Variants in MAPK10 observed in about 807,000 individuals in gnomAD.
The protein encoded by MAPK10 is mitogen-activated protein kinase 10.
Under a neutral mutation model 59.3 loss-of-function variants are expected in MAPK10, and 25 were observed. The observed-to-expected ratio is 0.42, with a 90% CI of 0.31 to 0.59. The LOEUF (loss-of-function observed/expected upper bound fraction) is 0.59, where lower values mean the gene tolerates loss of function less well. MAPK10 is among the 20% of genes least tolerant of loss of function. The pLI is 0.15. For missense variants in MAPK10, 351 were observed against 568.9 expected (o/e 0.62, Z 3.90); for synonymous variants, 190 against 200.5 (o/e 0.95, Z 0.44).
chr4:86,081,246 C>A (rs2050592580), intron 9 of MAPK10: 1 of 151,872 alleles, frequency 6.6e-6, no homozygotes, highest in Non-Finnish European at 1.5e-5. Context: ...AAATCAATTC[C>A]ATGTGGACTA....
intron 4 of MAPK10, among the ~76,000 whole-genome samples, chr4:86,142,872 A>G (rs1005600663): frequency 2.0e-5 from 3 of 152,180 alleles, no homozygotes; most frequent in African/African-American, 7.2e-5. Context: ...AGCTAACTAT[A>G]TATTTCCAGC....
intron 1 of MAPK10, among the ~76,000 whole-genome samples, chr4:86,521,179 C>A (rs1242921426): frequency 6.6e-6 from 1 of 152,216 alleles, no homozygotes; most frequent in East Asian, 1.9e-4. Flanking sequence ...CTGTTGTTTT[C>A]TCCTTCTTTG....
intron 1 of MAPK10, among the ~76,000 whole-genome samples, chr4:86,522,928 C>G (rs933115658): frequency 6.6e-6 from 1 of 152,142 alleles, no homozygotes; most frequent in African/African-American, 2.4e-5. Flanking sequence ...GGAAAAATGC[C>G]AGCACTACCA....
In MAPK10 at chr4:86,029,036, A is replaced by C. The variant is rs1021821346; in HGVS notation, c.1252+161T>G. 3 of 719,484 alleles carry C rather than the reference A, an allele frequency of 4.2e-6. No homozygotes were observed. The African/African-American group carries it at 5.2e-5, about 12-fold the overall frequency. 44.6% of individuals were successfully genotyped at this position (719,484 alleles called of 1,614,324 possible). A position where few individuals can be genotyped will look rare whatever the true frequency, so the allele number is the denominator to read the frequency against. ...ATAATCAGAATGAATGCCACACTGA[A>C]TATCAAAAGAAATAAAACTAAAATC... On this transcript the variant is annotated intron_variant, in intron 13 of 13. Transcript: ENST00000641462.
At chr4:86,506,981 G>T (rs908847836) in intron 1 of MAPK10, among the ~76,000 whole-genome samples, 1 of 151,888 alleles carries the variant, frequency 6.6e-6, no homozygotes, top group African/African-American at 2.4e-5. Flanking sequence ...GAGGCTATAA[G>T]GAATATGTAT....
chr4:86,390,368 C>T (rs1742035183), intron 1 of MAPK10, among the ~76,000 whole-genome samples: 1 of 152,130 alleles, frequency 6.6e-6, no homozygotes. Context: ...ATTTTCAAAA[C>T]AGCTTTGCAA....
intron 1 of MAPK10, among the ~76,000 whole-genome samples, chr4:86,516,834 G>C (rs539462646): frequency 6.6e-6 from 1 of 152,262 alleles, no homozygotes; most frequent in Non-Finnish European, 1.5e-5. Flanking sequence ...GGGTTTTCTA[G>C]CTATGCAATC....
At chr4:86,336,905 C>T (rs984141396) in intron 2 of MAPK10, among the ~76,000 whole-genome samples, 8 of 151,432 alleles carry the variant, frequency 5.3e-5, no homozygotes, top group Non-Finnish European at 1.2e-4. Flanking sequence ...ATTCTCCTGC[C>T]TCAGCCTCCC....
chr4:86,388,418 A>G (rs1442788658), intron 1 of MAPK10, among the ~76,000 whole-genome samples: 1 of 152,232 alleles, frequency 6.6e-6, no homozygotes, highest in African/African-American at 2.4e-5. Flanking sequence ...AACCAAGTAC[A>G]GTAAATATAA....
At chr4:86,050,360 C>T (rs986299983) in intron 11 of MAPK10, among the ~76,000 whole-genome samples, 6 of 152,098 alleles carry the variant, frequency 3.9e-5, no homozygotes, top group African/African-American at 9.7e-5. Flanking sequence ...TCAATGGCAG[C>T]GTACACTTGA....
chr4:86,362,694 A>G (rs1413221161), upstream of MAPK10, among the ~76,000 whole-genome samples: 1 of 152,176 alleles, frequency 6.6e-6, no homozygotes, highest in African/African-American at 2.4e-5. Flanking sequence ...ATGAAAAAGT[A>G]TTATATATCA....
Position 86,049,551 on chromosome 4 carries a change from T to G in MAPK10, c.1110+14715A>C, listed in dbSNP as rs142812403. Among the ~76,000 whole-genome samples, 74 of 152,228 alleles carry G rather than the reference T, an allele frequency of 4.9e-4. No homozygotes were observed. The East Asian group carries it at 0.01, about 21-fold the overall frequency. The stretch of plus-strand genomic sequence containing the variant: ...ACATTTCCATTTTTCTTATGTCACA[T>G]AGACTAAAACTGTTCAGTTTAAAAT... On this transcript the variant is annotated intron_variant, in intron 11 of 13. Transcript: ENST00000641462.
At chr4:86,042,030 A>G (rs1056003975) in intron 11 of MAPK10, among the ~76,000 whole-genome samples, 2 of 152,228 alleles carry the variant, frequency 1.3e-5, no homozygotes, top group Admixed American at 6.5e-5. Context: ...TGTTTATTGC[A>G]GCACTATATA....
intron 9 of MAPK10, among the ~76,000 whole-genome samples, chr4:86,077,508 T>G (rs116382649): frequency 1.6e-3 from 243 of 152,296 alleles, no homozygotes; most frequent in Non-Finnish European, 2.9e-3. Context: ...ACTTACTAAG[T>G]GGAATCATAA....
chr4:86,463,922 A>C (rs1000148802), intron 1 of MAPK10, among the ~76,000 whole-genome samples: 9 of 152,176 alleles, frequency 5.9e-5, no homozygotes, highest in African/African-American at 2.2e-4. Flanking sequence ...CTCAGCATTC[A>C]CCTACTAGTA....
chr4:86,493,385 C>T (rs1354297044), intron 1 of MAPK10, among the ~76,000 whole-genome samples: 2 of 152,202 alleles, frequency 1.3e-5, no homozygotes, highest in Admixed American at 1.3e-4. Context: ...TTTATCTGCA[C>T]ACAGAAAAGC....
chr4:86,342,374 G>T lies in MAPK10; in HGVS notation c.-7+12156C>A, dbSNP rs752190009. Among the ~76,000 whole-genome samples the T allele has an allele frequency of 1.6e-3, 238 of 152,316 alleles. 6 individuals carry two copies. The highest frequency in any genetic ancestry group is 1.7e-3 in the Non-Finnish European group (114 of 68,026). ...TTTGGAATTGACTGAGAACAAGTTT[G>T]CTGTGTAGGCGTTTCGTGGTAATCA... On this transcript the variant is annotated intron_variant, in intron 2 of 13. Transcript: ENST00000641462.
chr4:86,558,986 G>T (rs1323231850), intron 1 of MAPK10, among the ~76,000 whole-genome samples: 1 of 152,012 alleles, frequency 6.6e-6, no homozygotes, highest in Admixed American at 6.5e-5. Flanking sequence ...GGCTTGTTCA[G>T]GCTTGTGTTC....
chr4:86,493,420 T>TC (rs1754632697), intron 1 of MAPK10, among the ~76,000 whole-genome samples: 1 of 152,238 alleles, frequency 6.6e-6, no homozygotes, highest in African/African-American at 2.4e-5. Flanking sequence ...CTCTCGTATA[T>TC]TCTAGGTAGT....
Sources: gnomAD v4.1 joint callset for allele counts (sites outside exome capture counted in the v4.1 genomes callset) on GRCh38, gnomAD v4.1.1 for gene constraint, MANE v1.5 for transcripts, NCBI Gene and HGNC (gene_info 2026-07-23, HGNC 2026-07-21) for gene names.